MECR: variants seen among roughly 807,000 people sequenced by gnomAD.
The protein encoded by MECR is enoyl-[acyl-carrier-protein] reductase, mitochondrial.
A neutral mutation model predicts 49.1 loss-of-function variants in MECR; 37 were observed. The ratio of observed to expected loss-of-function variants is 0.75; its 90% CI spans 0.58 to 0.99. The LOEUF (loss-of-function observed/expected upper bound fraction) is 0.99. Among genes scored for constraint, MECR ranks in the 50% least tolerant of loss-of-function variants. The pLI is 0.00. For missense variants in MECR, 470 were observed against 479.6 expected, an observed-to-expected ratio of 0.98 and a Z score of 0.19; for synonymous variants, 198 against 191.1, an observed-to-expected ratio of 1.04 and a Z score of -0.30.
At chr1:29,198,967 G>A (rs1674668509) in intron 7 of MECR, among the ~76,000 whole-genome samples, 1 of 151,262 alleles carries the variant, frequency 6.6e-6, no homozygotes, top group Non-Finnish European at 1.5e-5. Flanking sequence ...TGCACCCCCT[G>A]TCTAGGTGGT....
chr1:29,224,180 A>G (rs1211511494), intron 1 of MECR: 1 of 152,194 alleles, frequency 6.6e-6, no homozygotes, highest in Non-Finnish European at 1.5e-5. Flanking sequence ...ACTACAAGGG[A>G]GTTGCAGTCT....
chr1:29,184,524 C>T, the MECR span, among the ~76,000 whole-genome samples: 1 of 151,738 alleles, frequency 6.6e-6, no homozygotes, highest in Non-Finnish European at 1.5e-5. Flanking sequence ...GAGGTTGAGG[C>T]AGGAGGATCA....
downstream of MECR, among the ~76,000 whole-genome samples, chr1:29,188,272 C>G (rs1158112431): frequency 6.6e-6 from 1 of 151,820 alleles, no homozygotes; most frequent in Non-Finnish European, 1.5e-5. Context: ...TCACTGCAAC[C>G]TCCACCTCCT....
At chr1:29,181,943 G>A in the MECR span, 1 of 417,682 alleles carries the variant, frequency 2.4e-6, no homozygotes, top group South Asian at 5.9e-5. Flanking sequence ...CCTTCCCCGA[G>A]GCGGAAGGTA....
intron 1 of MECR, among the ~76,000 whole-genome samples, chr1:29,221,902 C>T (rs1043506588): frequency 6.6e-6 from 1 of 152,042 alleles, no homozygotes; most frequent in Admixed American, 6.6e-5. Flanking sequence ...GACTGACTGC[C>T]GTTCAGTCCT....
At chr1:29,191,816 G>A (rs556762769), downstream of MECR, among the ~76,000 whole-genome samples, 5 of 152,286 alleles carry the variant, frequency 3.3e-5, no homozygotes, top group Admixed American at 6.5e-5. Flanking sequence ...CCTTCTGGCC[G>A]GGTGTGGTGG....
At chr1:29,208,105 G>A (rs1677058786) in intron 3 of MECR, among the ~76,000 whole-genome samples, 1 of 152,010 alleles carries the variant, frequency 6.6e-6, no homozygotes, top group Admixed American at 6.6e-5. Context: ...CGATTCACCT[G>A]CCTCAGCCTC....
intron 3 of MECR, among the ~76,000 whole-genome samples, chr1:29,214,494 T>C (rs1678852857): frequency 1.3e-5 from 2 of 152,058 alleles, no homozygotes; most frequent in Non-Finnish European, 1.5e-5. Context: ...CCCGGGTAGC[T>C]GTGACTACAG....
rs778879465 is a variant in MECR, at chr1:29,200,515, C to T, written c.830+1G>A. 17 of 1,612,738 alleles carry T rather than the reference C, an allele frequency of 1.1e-5. No individual in the cohort carries two copies. The highest frequency in any genetic ancestry group is 1.7e-4 in the Middle Eastern group (1 of 6,054). On this transcript the variant is annotated splice_donor_variant, in intron 7 of 9. Coordinates refer to ENST00000263702, the MANE Select transcript of MECR (RefSeq NM_016011.5). LOFTEE classifies it high-confidence loss of function. ...TGGACCTGCAGGCCCAAGGGACTTA[C>T]GCTAACTGCCGCAGCAGCTCTGTGG...
chr1:29,207,484 T>C (rs779703600), intron 3 of MECR, among the ~76,000 whole-genome samples: 6 of 150,862 alleles, frequency 4.0e-5, no homozygotes, highest in Non-Finnish European at 8.8e-5. Flanking sequence ...CTCATGCCTA[T>C]AATCTCAGCA....
rs1290440725 is a variant in MECR at position 29,230,911 on chromosome 1, G to A, written c.-5C>T. 3 of 1,594,690 alleles carry A rather than the reference G, an allele frequency of 1.9e-6. No individual in the cohort carries two copies. Among genetic ancestry groups the A allele is most frequent in the African/African-American group, 2.7e-5 (2 of 74,166 alleles). ...CAGGGTACTGCAGACCCACATGCTC[G>A]CTCCAACCAACACAGAGCCTGACGC... On this transcript the variant is annotated 5_prime_UTR_variant, in exon 1 of 10. Transcript: ENST00000263702.
chr1:29,203,221 A>G lies in MECR; in HGVS notation c.563T>C (p.Ile188Thr), dbSNP rs146806836. The G allele has an allele frequency of 4.4e-6, 7 of 1,578,812 alleles. No homozygotes were observed. Among genetic ancestry groups the G allele is most frequent in the Non-Finnish European group, 2.6e-6 (3 of 1,158,426 alleles). Residue 188 changes from isoleucine to threonine, a missense_variant, in exon 5 of 10, where the codon ATC (isoleucine) becomes ACC (threonine). Coordinates refer to ENST00000263702, the MANE Select transcript of MECR (RefSeq NM_016011.5). ...CACTCCGCTGTTGGATGCATTCTGGATGACAGAATCCCCTGTGGAGCCAGG... is the reference window on the plus strand; with the variant it reads ...CACTCCGCTGTTGGATGCATTCTGGGTGACAGAATCCCCTGTGGAGCCAGG... The part of the protein sequence containing the change: ...FEQLQPGDSV[I>T]QNASNSGVGQ...
chr1:29,209,876 T>C (rs1677531517), intron 3 of MECR, among the ~76,000 whole-genome samples: 1 of 152,174 alleles, frequency 6.6e-6, no homozygotes, highest in East Asian at 1.9e-4. Context: ...GCTGGGATTC[T>C]AATGGTGTCC....
At chr1:29,221,923 A>G (rs79507551) in intron 1 of MECR, among the ~76,000 whole-genome samples, 1 of 152,278 alleles carries the variant, frequency 6.6e-6, no homozygotes, top group Non-Finnish European at 1.5e-5. Flanking sequence ...CAAAATGCCT[A>G]TGTGGAGGGT....
chr1:29,185,465 G>T, the MECR span, among the ~76,000 whole-genome samples: 1 of 151,942 alleles, frequency 6.6e-6, no homozygotes, highest in Admixed American at 6.6e-5. Flanking sequence ...GCCCAGGCTG[G>T]AGTGCAATGG....
chr1:29,203,099 T>G (rs1458598676), intron 5 of MECR, 32 bp downstream of exon 5: 6 of 1,512,032 alleles, frequency 4.0e-6, no homozygotes, highest in Non-Finnish European at 4.5e-6. Flanking sequence ...ACCCAAGACA[T>G]GGTCTGGGAT....
chr1:29,174,682 T>G, the MECR span, among the ~76,000 whole-genome samples: 2 of 149,712 alleles, frequency 1.3e-5, no homozygotes, highest in Non-Finnish European at 3.0e-5. Context: ...TAGGTTTTTT[T>G]TTTTTTTTTT....
the MECR span, among the ~76,000 whole-genome samples, chr1:29,184,369 G>A: frequency 1.3e-5 from 2 of 151,360 alleles, no homozygotes; most frequent in Admixed American, 1.3e-4. Context: ...TAGAGACTGG[G>A]TTTCACCATG....
At chr1:29,167,821 C>T in the MECR span, among the ~76,000 whole-genome samples, 3 of 152,150 alleles carry the variant, frequency 2.0e-5, no homozygotes, top group Non-Finnish European at 4.4e-5. Flanking sequence ...AATAATTTAT[C>T]CATAATATTT....
Sources: allele counts gnomAD v4.1 joint callset (sites outside exome capture counted in the v4.1 genomes callset), GRCh38; gene constraint gnomAD v4.1.1; transcripts MANE v1.5; gene names NCBI Gene and HGNC (gene_info 2026-07-23, HGNC 2026-07-21).